Variants in FOLR2 observed in about 807,000 individuals in gnomAD.
FOLR2 encodes the protein folate receptor 2 (fetal).
A neutral mutation model predicts 20.4 loss-of-function variants in FOLR2; 14 were observed. That is an observed-to-expected ratio of 0.68 (90% confidence interval 0.45 to 1.07). The LOEUF (loss-of-function observed/expected upper bound fraction) is 1.07, where lower values mean the gene tolerates loss of function less well. FOLR2 is among the 50% of genes least tolerant of loss of function. The probability of loss-of-function intolerance (pLI) is 0.00; values close to 1 mark genes in which losing one functional copy is unlikely to be tolerated. For synonymous variants in FOLR2, 114 were observed against 114.3 expected, an observed-to-expected ratio of 1.00 and a Z score of 0.02; for missense variants, 269 against 322.6, an observed-to-expected ratio of 0.83 and a Z score of 1.27.
chr11:72,216,858 A>G lies in FOLR2; in HGVS notation c.-92A>G. The stretch of plus-strand genomic sequence containing the variant: ...GGGGACAGCCTAGGGGCCTGGATCT[A>G]TTGCCTACTTAGAGAGAGGCCAACT... On this transcript the variant is annotated 5_prime_UTR_variant, in exon 1 of 5. Transcript: ENST00000298223. 1.3e-6 allele frequency: 2 copies of G among 1,598,002 alleles called. No individual in the cohort carries two copies. The highest frequency in any genetic ancestry group is 8.5e-7 in the Non-Finnish European group (1 of 1,178,528).
Position 72,221,067 on chromosome 11 carries a change from T to TCGGGGGGGGGGGGGGGGGCCCCCCC in FOLR2, c.339+10_339+11insGGGGGGGGGGGGGGGGGCCCCCCCC. The TCGGGGGGGGGGGGGGGGGCCCCCCC allele has an allele frequency of 6.4e-7, 1 of 1,570,106 alleles. No homozygotes were observed. Among genetic ancestry groups the TCGGGGGGGGGGGGGGGGGCCCCCCC allele is most frequent in the Non-Finnish European group, 8.7e-7 (1 of 1,154,904 alleles). On this transcript the variant is annotated intron_variant, in intron 3 of 4. Coordinates refer to ENST00000298223, the MANE Select transcript of FOLR2 (RefSeq NM_000803.5). ...GGCCCTGGATCCAGCAGGTAGGGTG[T>TCGGGGGGGGGGGGGGGGGCCCCCCC]CTCCCCCCCACCCACCCCAGCAGAC...
intron 4 of FOLR2, 40 bp from the exon 5 acceptor site, chr11:72,221,430 A>G: frequency 6.2e-7 from 1 of 1,602,130 alleles, no homozygotes; most frequent in Non-Finnish European, 8.5e-7. Flanking sequence ...CTTTGGGCCC[A>G]GGGGCTGAAA....
chr11:72,221,836 A>G lies in FOLR2; in HGVS notation c.*74A>G. Reference sequence around the variant, plus strand: ...GCTCAGCTCAGCTCCCACAAATGACAGCCCCTTAAGCATGCTTCTATTAGT... The same window carrying G: ...GCTCAGCTCAGCTCCCACAAATGACGGCCCCTTAAGCATGCTTCTATTAGT... On this transcript the variant is annotated 3_prime_UTR_variant, in exon 5 of 5. Transcript: ENST00000298223. 1 of 1,412,398 alleles carries G rather than the reference A, an allele frequency of 7.1e-7. No individual in the cohort carries two copies. The highest frequency in any genetic ancestry group is 2.4e-5 in the East Asian group (1 of 41,896). 87.5% of individuals were successfully genotyped at this position (1,412,398 alleles called of 1,614,324 possible).
intron 1 of FOLR2, among the ~76,000 whole-genome samples, chr11:72,217,172 C>A (rs1948404109): frequency 6.6e-6 from 1 of 152,174 alleles, no homozygotes; most frequent in Middle Eastern, 3.4e-3. Flanking sequence ...TTACAGGTGC[C>A]CACCACCTCG....
chr11:72,218,412 C>CCTAG (rs1359910832), intron 1 of FOLR2, 149 bp from the exon 2 acceptor site: 3 of 670,832 alleles, frequency 4.5e-6, no homozygotes, highest in Non-Finnish European at 7.6e-6. Context: ...CCCTCTCTAC[C>CCTAG]CTAGCCTCAG....
At chr11:72,217,319 G>T (rs149204136) in intron 1 of FOLR2, 1 of 1,261,394 alleles carries the variant, frequency 7.9e-7, no homozygotes, top group East Asian at 5.5e-5. Flanking sequence ...CACTGTGCCC[G>T]GCCACATCTT....
chr11:72,220,430 T>A (rs1445642518), intron 2 of FOLR2, among the ~76,000 whole-genome samples: 4 of 152,172 alleles, frequency 2.6e-5, no homozygotes, highest in East Asian at 1.9e-4. Flanking sequence ...ATATATATAT[T>A]TTTTAAGTTT....
chr11:72,217,849 C>A (rs1241043192), intron 1 of FOLR2, among the ~76,000 whole-genome samples: 1 of 152,056 alleles, frequency 6.6e-6, no homozygotes, highest in Admixed American at 6.6e-5. Context: ...CCTTGCCCCA[C>A]CCCCAGTCTA....
chr11:72,217,002 A>G (rs1401323655), intron 1 of FOLR2, 77 bp downstream of exon 1: 19 of 1,395,262 alleles, frequency 1.4e-5, no homozygotes, highest in Non-Finnish European at 1.9e-5. Context: ...GGAGGAACAC[A>G]CCTTTCTTTC....
intron 2 of FOLR2, 96 bp downstream of exon 2, chr11:72,218,830 T>G (rs1948436924): frequency 1.9e-6 from 2 of 1,033,222 alleles, no homozygotes; most frequent in Non-Finnish European, 2.9e-6. Flanking sequence ...GTCAGATACC[T>G]CCACATCCTG....
At chr11:72,218,515 C>T in intron 1 of FOLR2, 46 bp from the exon 2 acceptor site, 1 of 1,556,080 alleles carries the variant, frequency 6.4e-7, no homozygotes, top group Non-Finnish European at 8.7e-7. Context: ...GAATGGGCTC[C>T]CAGCTTGGAG....
intron 4 of FOLR2, 40 bp downstream of exon 4, chr11:72,221,351 AG>A: frequency 6.2e-7 from 1 of 1,605,486 alleles, no homozygotes; most frequent in Non-Finnish European, 8.5e-7. Context: ...AAGGAGATTG[AG>A]GTAGGGTTTG....
At position 72,218,794 on chromosome 11, in the gene FOLR2, C is replaced by A; in HGVS notation, c.150+60C>A. 4.1e-6 allele frequency: 6 copies of A among 1,460,162 alleles called. No homozygotes were observed. Among genetic ancestry groups the A allele is most frequent in the Non-Finnish European group, 5.7e-6 (6 of 1,059,864 alleles). 90.5% of individuals were successfully genotyped at this position (1,460,162 alleles called of 1,614,324 possible). A position where few individuals can be genotyped will look rare whatever the true frequency, so the allele number is the denominator to read the frequency against. On this transcript the variant is annotated intron_variant, in intron 2 of 4. Transcript: ENST00000298223. ...CTTGTTCTAACAGGGAGGAGAAAGT[C>A]AGGATGGTGGGAGAGGGATTGAGGG...
intron 1 of FOLR2, among the ~76,000 whole-genome samples, chr11:72,218,089 C>T (rs1270020057): frequency 5.3e-5 from 8 of 152,184 alleles, no homozygotes; most frequent in East Asian, 3.8e-4. Flanking sequence ...TCTGAGAACT[C>T]GGCAGAGCTG....
Position 72,221,646 on chromosome 11 carries a change from G to T in FOLR2, c.652G>T (p.Glu218Ter). 1 of 1,614,232 alleles carries T rather than the reference G, an allele frequency of 6.2e-7. No individual in the cohort carries two copies. The highest frequency in any genetic ancestry group is 8.5e-7 in the Non-Finnish European group (1 of 1,180,038). Residue 218 changes from glutamate to a stop codon, truncating the protein, a stop_gained, in exon 5 of 5, where the codon GAA becomes TAA. Coordinates refer to ENST00000298223, the MANE Select transcript of FOLR2 (RefSeq NM_000803.5). LOFTEE classifies it low-confidence loss of function (END_TRUNC). The part of the protein sequence containing the change: ...FDSAQGNPNE[E>*]VARFYAAAMH... ...TTCAGCCCAGGGCAACCCCAACGAG[G>T]AAGTGGCGAGGTTCTATGCTGCAGC...
chr11:72,221,067 T>TCGGGGGGGGGGGGGGCCCCCCCCCC lies in FOLR2; in HGVS notation c.339+10_339+11insGGGGGGGGGGGGGGCCCCCCCCCCC. On this transcript the variant is annotated intron_variant, in intron 3 of 4. Coordinates refer to ENST00000298223, the MANE Select transcript of FOLR2 (RefSeq NM_000803.5). ...GGCCCTGGATCCAGCAGGTAGGGTGTCTCCCCCCCACCCACCCCAGCAGAC... is the reference window on the plus strand; with the variant it reads ...GGCCCTGGATCCAGCAGGTAGGGTGTCGGGGGGGGGGGGGGCCCCCCCCCCCTCCCCCCCACCCACCCCAGCAGAC... 5 of 1,569,968 alleles carry TCGGGGGGGGGGGGGGCCCCCCCCCC rather than the reference T, an allele frequency of 3.2e-6. No individual in the cohort carries two copies. Among genetic ancestry groups the TCGGGGGGGGGGGGGGCCCCCCCCCC allele is most frequent in the African/African-American group, 1.4e-5 (1 of 71,416 alleles).
intron 2 of FOLR2, 23 bp from the exon 3 acceptor site, chr11:72,220,847 A>G: frequency 6.2e-7 from 1 of 1,613,548 alleles, no homozygotes; most frequent in Non-Finnish European, 8.5e-7. Flanking sequence ...GGAGGCACTT[A>G]GTCCTGTGTC....
In FOLR2 at chr11:72,221,251, G is replaced by T. The variant is rs750076536; in HGVS notation, c.415G>T (p.Asp139Tyr). Residue 139 changes from aspartate (D) to tyrosine (Y), a missense_variant, in exon 4 of 5, where the codon GAT (aspartate) becomes TAT (tyrosine). Physicochemically the swap from Asp to Tyr is radical, Grantham distance 160 (BLOSUM62 -3). Transcript: ENST00000298223. ...AGAGGACTGTCAGCGCTGGTGGGAG[G>T]ATTGTCACACCTCCCACACGTGCAA... The part of the protein sequence containing the change: ...CKEDCQRWWE[D>Y]CHTSHTCKSN... 1.9e-6 allele frequency: 3 copies of T among 1,613,836 alleles called. No homozygotes were observed. The highest frequency in any genetic ancestry group is 1.1e-5 in the South Asian group (1 of 91,078).
At chr11:72,217,214 G>A (rs865987994) in intron 1 of FOLR2, 13 of 504,440 alleles carry the variant, frequency 2.6e-5, no homozygotes, top group African/African-American at 5.9e-5. Context: ...TAGTAGAGAC[G>A]GGGTTTCATC....
Sources: gnomAD v4.1 joint callset for allele counts (sites outside exome capture counted in the v4.1 genomes callset) on GRCh38, gnomAD v4.1.1 for gene constraint, MANE v1.5 for transcripts, NCBI Gene and HGNC (gene_info 2026-07-23, HGNC 2026-07-21) for gene names.